RASGRF2: variants seen among roughly 807,000 people sequenced by gnomAD.
RASGRF2 encodes Ras protein specific guanine nucleotide releasing factor 2.
RASGRF2 carries 76 observed loss-of-function variants against 151.0 expected under a neutral mutation model. The ratio of observed to expected loss-of-function variants is 0.50; its 90% CI spans 0.42 to 0.61. RASGRF2 has a LOEUF of 0.61. Ranked by LOEUF, RASGRF2 falls within the 20% of genes least tolerant of loss-of-function variation. RASGRF2 has a pLI of 0.00. For missense variants in RASGRF2, 1,148 were observed against 1,564.6 expected (o/e 0.73, Z 4.49); for synonymous variants, 504 against 566.5 (o/e 0.89, Z 1.57).
chr5:81,016,431 AT>A (rs766061971), intron 1 of RASGRF2, among the ~76,000 whole-genome samples: 13 of 152,204 alleles, frequency 8.5e-5, no homozygotes, highest in Non-Finnish European at 1.5e-4. Context: ...AATATATTAA[AT>A]TCTCTTAGGC....
intron 17 of RASGRF2, among the ~76,000 whole-genome samples, chr5:81,142,143 GA>G (rs1561228816): frequency 6.6e-6 from 1 of 152,176 alleles, no homozygotes; most frequent in East Asian, 1.9e-4. Context: ...TTCAAAATCA[GA>G]AGCTTAATAT....
chr5:81,204,526 TG>T (rs1755463974), intron 19 of RASGRF2, among the ~76,000 whole-genome samples: 1 of 151,458 alleles, frequency 6.6e-6, no homozygotes, highest in African/African-American at 2.5e-5. Context: ...AAGTGTATGA[TG>T]AATACACTTA....
Position 81,114,028 on chromosome 5 carries a change from C to G in RASGRF2, c.2470+108C>G, listed in dbSNP as rs1365466905. ...CCCTTTCTTTACAACTGTAATACTT[C>G]TGCATAGAAAGTAGAATGAGCTCAA... is the stretch of plus-strand genomic sequence containing the variant. On this transcript the variant is annotated intron_variant, in intron 15 of 26. Coordinates refer to ENST00000265080, the MANE Select transcript of RASGRF2 (RefSeq NM_006909.3). 4 of 1,346,890 alleles carry G rather than the reference C, an allele frequency of 3.0e-6. No homozygotes were observed. The East Asian group carries it at 7.0e-5, about 24-fold the overall frequency. 83.4% of individuals were successfully genotyped at this position (1,346,890 alleles called of 1,614,324 possible). A position where few individuals can be genotyped will look rare whatever the true frequency, so the allele number is the denominator to read the frequency against.
chr5:81,075,472 ATTCT>A (rs1561594668), intron 5 of RASGRF2, among the ~76,000 whole-genome samples: 2 of 152,180 alleles, frequency 1.3e-5, no homozygotes, highest in African/African-American at 4.8e-5. Flanking sequence ...ACAATTGTTC[ATTCT>A]TCTCCCCTAC....
At chr5:81,027,325 T>C (rs1049714523) in intron 1 of RASGRF2, among the ~76,000 whole-genome samples, 2 of 152,118 alleles carry the variant, frequency 1.3e-5, no homozygotes, top group Admixed American at 1.3e-4. Flanking sequence ...GGAAAAACTG[T>C]GTGTGGGGGA....
At chr5:81,032,031 A>G (rs1750272276) in intron 1 of RASGRF2, among the ~76,000 whole-genome samples, 1 of 152,220 alleles carries the variant, frequency 6.6e-6, no homozygotes. Flanking sequence ...CCTCTATGCA[A>G]ATAAACTAGA....
At chr5:81,065,463 A>T (rs936970696) in intron 2 of RASGRF2, among the ~76,000 whole-genome samples, 48 of 152,154 alleles carry the variant, frequency 3.2e-4, no homozygotes, top group African/African-American at 1.2e-3. Context: ...GTTCTTCTTT[A>T]GGAAGGTGCC....
At chr5:81,208,476 A>C in intron 22 of RASGRF2, 38 bp downstream of exon 22, 1 of 1,531,984 alleles carries the variant, frequency 6.5e-7, no homozygotes, top group Non-Finnish European at 9.0e-7. Flanking sequence ...GGCGTGTCAC[A>C]AGAAGATGGA....
At chr5:81,038,628 T>G (rs188824533) in intron 1 of RASGRF2, among the ~76,000 whole-genome samples, 1 of 142,290 alleles carries the variant, frequency 7.0e-6, no homozygotes, top group East Asian at 2.1e-4. Flanking sequence ...TAGGCTGAAG[T>G]GCAGTGGTGG....
rs776288149 is a variant in RASGRF2, at chr5:81,212,426, G to A, written c.3217G>A (p.Ala1073Thr). ...TGCTGATGTCAGCTCCCGTGCCAAC[G>A]CCATCGAGAAATGGGTGGCAGTGGC... ...NYADVSSRANAIEKWVAVADI... is the reference protein window; with the variant it reads ...NYADVSSRANTIEKWVAVADI... Residue 1073 changes from alanine to threonine, a missense_variant, in exon 23 of 27, where the codon GCC becomes ACC. By Grantham distance (58) the Ala-to-Thr change is moderately conservative. Around this residue, in one of 5 missense-constraint regions of RASGRF2, gnomAD observed 646 missense variants for 807.4 expected, o/e 0.80. Transcript: ENST00000265080. 1.9e-6 allele frequency: 3 copies of A among 1,613,854 alleles called. No individual in the cohort carries two copies. The highest frequency in any genetic ancestry group is 1.1e-5 in the South Asian group (1 of 91,014).
At chr5:81,170,013 C>T (rs112123722) in intron 17 of RASGRF2, among the ~76,000 whole-genome samples, 44 of 109,246 alleles carry the variant, frequency 4.0e-4, no homozygotes, top group Middle Eastern at 5.6e-3. Flanking sequence ...GCATCACCTG[C>T]ACCACCTGCA....
chr5:81,064,851 A>G (rs1751549304), intron 2 of RASGRF2, among the ~76,000 whole-genome samples: 1 of 152,184 alleles, frequency 6.6e-6, no homozygotes, highest in South Asian at 2.1e-4. Flanking sequence ...TGATTAGGTT[A>G]TGTTATATGG....
intron 17 of RASGRF2, among the ~76,000 whole-genome samples, chr5:81,156,897 A>T (rs992149861): frequency 6.6e-6 from 1 of 152,212 alleles, no homozygotes; most frequent in Non-Finnish European, 1.5e-5. Flanking sequence ...TTCATAGATG[A>T]CATGAAGCAG....
intron 17 of RASGRF2, among the ~76,000 whole-genome samples, chr5:81,144,820 G>A (rs962411481): frequency 6.6e-6 from 1 of 152,150 alleles, no homozygotes; most frequent in African/African-American, 2.4e-5. Flanking sequence ...AGGTCACTTA[G>A]GTCACACAGG....
chr5:80,961,043 C>G lies in RASGRF2; in HGVS notation c.288+17C>G. ...GACAAGCAGGTACCGCGCGCCTTCT[C>G]TCCGCGGTCTCCCAGCCTTGATCGC... On this transcript the variant is annotated intron_variant, in intron 1 of 26. Coordinates refer to ENST00000265080, the MANE Select transcript of RASGRF2 (RefSeq NM_006909.3). 1 of 1,436,612 alleles carries G rather than the reference C, an allele frequency of 7.0e-7. No individual in the cohort carries two copies. The highest frequency in any genetic ancestry group is 9.2e-7 in the Non-Finnish European group (1 of 1,089,898). The allele number at this position is 1,436,612 out of a possible 1,614,324, so 89.0% of individuals were successfully genotyped here. A position where few individuals can be genotyped will look rare whatever the true frequency, so the allele number is the denominator to read the frequency against.
intron 1 of RASGRF2, 40 bp downstream of exon 1, chr5:80,961,066 C>T: frequency 6.4e-6 from 9 of 1,408,056 alleles, no homozygotes; most frequent in Non-Finnish European, 8.4e-6. Flanking sequence ...CAGCCTTGAT[C>T]GCCGCACTCC....
chr5:81,193,819 G>C (rs188662462), intron 18 of RASGRF2, among the ~76,000 whole-genome samples: 18 of 152,256 alleles, frequency 1.2e-4, no homozygotes, highest in Admixed American at 3.9e-4. Context: ...TGCCCAGCTC[G>C]ATAGTTGCTT....
intron 1 of RASGRF2, among the ~76,000 whole-genome samples, chr5:81,039,229 T>C (rs1181288602): frequency 6.6e-6 from 1 of 152,136 alleles, no homozygotes; most frequent in Non-Finnish European, 1.5e-5. Flanking sequence ...TGTATTTTGA[T>C]TTTTCCAACT....
intron 1 of RASGRF2, among the ~76,000 whole-genome samples, chr5:81,025,645 A>T (rs996448746): frequency 1.1e-4 from 17 of 152,348 alleles, no homozygotes; most frequent in Non-Finnish European, 2.2e-4. Flanking sequence ...ACACATGGCC[A>T]TTGGTTTCTG....
Sources: gnomAD v4.1 joint callset for allele counts (sites outside exome capture counted in the v4.1 genomes callset) on GRCh38, gnomAD v4.1.1 for gene constraint, gnomAD v4.1.1 regional missense constraint, MANE v1.5 for transcripts, NCBI Gene and HGNC (gene_info 2026-07-23, HGNC 2026-07-21) for gene names.